The following EIF2AK3 variants were observed in gnomAD, a reference collection of about 807,000 sequenced individuals.
EIF2AK3 encodes the protein eukaryotic translation initiation factor 2-alpha kinase 3.
Under a neutral mutation model 113.5 loss-of-function variants are expected in EIF2AK3, and 50 were observed. The observed-to-expected ratio is 0.44, with a 90% CI of 0.35 to 0.56. The LOEUF is 0.56. Ranked by LOEUF, EIF2AK3 falls within the 20% of genes least tolerant of loss-of-function variation. The probability of loss-of-function intolerance (pLI) is 0.00; values close to 1 mark genes in which losing one functional copy is unlikely to be tolerated. For synonymous variants in EIF2AK3, 448 were observed against 495.4 expected, an observed-to-expected ratio of 0.90 and a Z score of 1.27; for missense variants, 1,185 against 1,378.0, an observed-to-expected ratio of 0.86 and a Z score of 2.22.
intron 2 of EIF2AK3, among the ~76,000 whole-genome samples, chr2:88,607,372 C>T (rs1353151728): frequency 6.6e-6 from 1 of 152,198 alleles, no homozygotes; most frequent in African/African-American, 2.4e-5. Context: ...CTACTATTAA[C>T]TGGCAAAAAT....
chr2:88,579,718 A>G, intron 10 of EIF2AK3, 78 bp from the exon 11 acceptor site: 1 of 1,349,810 alleles, frequency 7.4e-7, no homozygotes, highest in East Asian at 2.4e-5. Flanking sequence ...GTTCAATCTT[A>G]TGACACATAA....
Position 88,627,285 on chromosome 2 carries a change from C to A in EIF2AK3, c.-11G>T. 6.7e-7 allele frequency: 1 copy of A among 1,484,632 alleles called. No homozygotes were observed. Among genetic ancestry groups the A allele is most frequent in the Admixed American group, 2.2e-5 (1 of 45,108 alleles). The allele number at this position is 1,484,632 out of a possible 1,614,324, so 92.0% of individuals were successfully genotyped here. A position where few individuals can be genotyped will look rare whatever the true frequency, so the allele number is the denominator to read the frequency against. On this transcript the variant is annotated 5_prime_UTR_variant, in exon 1 of 17. Coordinates refer to ENST00000303236, the MANE Select transcript of EIF2AK3 (RefSeq NM_004836.7). ...GATGGCGCGCTCCATCAGCGTCCCG[C>A]CCCGCGCGCAGGCATGGAGGCGCAG...
intron 2 of EIF2AK3, among the ~76,000 whole-genome samples, chr2:88,611,297 A>G (rs895329301): frequency 2.0e-5 from 3 of 152,178 alleles, no homozygotes; most frequent in African/African-American, 7.2e-5. Context: ...AAATGGGACC[A>G]ACTTATCAAC....
Position 88,575,042 on chromosome 2 carries a change from T to C in EIF2AK3, c.2441A>G (p.Asp814Gly), listed in dbSNP as rs1232810293. ...CGGCTCTTCTTTACTGGAAGCATTA[T>C]CACAGCCAGAATCTTCAAATACTAT... ...SSIVFEDSGC[D>G]NASSKEEPKT... is the part of the protein sequence containing the mutation. The change falls in exon 13 of 17, where the codon GAT becomes GGT. Residue 814 changes from aspartate to glycine, a missense_variant. Physicochemically the swap from Asp to Gly is moderately conservative, Grantham distance 94 (BLOSUM62 -1). Transcript: ENST00000303236. 6.2e-7 allele frequency: 1 copy of C among 1,614,128 alleles called. No individual in the cohort carries two copies. The highest frequency in any genetic ancestry group is 8.5e-7 in the Non-Finnish European group (1 of 1,180,058).
chr2:88,593,536 A>T, intron 3 of EIF2AK3, 131 bp from the exon 4 acceptor site: 1 of 1,068,014 alleles, frequency 9.4e-7, no homozygotes, highest in East Asian at 2.6e-5. Flanking sequence ...TACTCAAGTC[A>T]TAAGAAGCAT....
chr2:88,611,789 C>G (rs961495671), intron 2 of EIF2AK3, among the ~76,000 whole-genome samples: 1 of 152,124 alleles, frequency 6.6e-6, no homozygotes, highest in African/African-American at 2.4e-5. Flanking sequence ...TGCCACCACA[C>G]CTTGCTAATT....
At position 88,557,884 on chromosome 2, in the gene EIF2AK3, G is replaced by T; in HGVS notation, c.3203C>A (p.Ala1068Asp). The T allele has an allele frequency of 1.2e-6, 2 of 1,614,150 alleles. No homozygotes were observed. The highest frequency in any genetic ancestry group is 4.5e-5 in the East Asian group (2 of 44,884). The change falls in exon 17 of 17, where the codon GCT becomes GAT. Residue 1068 changes from alanine to aspartate, a missense_variant. Ala to Asp is a moderately radical substitution (Grantham distance 126). This residue lies in a region of EIF2AK3 where 877 missense variants were observed against 1,024.2 expected (regional missense o/e 0.86). Transcript: ENST00000303236. ...LSPSPMERPE[A>D]INIIENAVFE... ...TACAGCATTTTCAATGATGTTTATA[G>T]CTTCAGGTCGTTCCATGGGGGATGG...
intron 2 of EIF2AK3, among the ~76,000 whole-genome samples, chr2:88,606,080 G>T (rs976185048): frequency 2.6e-5 from 4 of 152,118 alleles, no homozygotes; most frequent in African/African-American, 9.7e-5. Flanking sequence ...GTACTCAAGA[G>T]CAGAGAAATA....
rs1298503837 is a variant in EIF2AK3, at chr2:88,585,910, T to G, written c.1581A>C (p.Ala527=). ...LLLHWWKEIV[A]TILFCIIATT... Reference sequence around the variant, plus strand: ...TTGCTATGATACAAAACAAAATCGTTGCAACTATTTCTTTCCACCAGTGTA... The same window carrying G: ...TTGCTATGATACAAAACAAAATCGTGGCAACTATTTCTTTCCACCAGTGTA... Residue 527 remains alanine, a synonymous_variant, in exon 9 of 17, where the codon GCA becomes GCC. Transcript: ENST00000303236. 1.2e-6 allele frequency: 2 copies of G among 1,614,002 alleles called. No individual in the cohort carries two copies. The highest frequency in any genetic ancestry group is 4.5e-5 in the East Asian group (2 of 44,882).
At chr2:88,606,876 T>G (rs1446432925) in intron 2 of EIF2AK3, among the ~76,000 whole-genome samples, 1 of 152,166 alleles carries the variant, frequency 6.6e-6, no homozygotes, top group Non-Finnish European at 1.5e-5. Context: ...CGGTGTCCCT[T>G]GGGGAGAAAC....
In EIF2AK3 at chr2:88,626,854, C is replaced by T. The variant is rs1363790546; in HGVS notation, c.308+113G>A. The T allele has an allele frequency of 4.3e-6, 6 of 1,405,540 alleles. No individual in the cohort carries two copies. The Admixed American group carries it at 8.1e-5, about 19-fold the overall frequency. 87.1% of individuals were successfully genotyped at this position (1,405,540 alleles called of 1,614,324 possible). A position where few individuals can be genotyped will look rare whatever the true frequency, so the allele number is the denominator to read the frequency against. On this transcript the variant is annotated intron_variant, in intron 1 of 16. Transcript: ENST00000303236. Reference sequence around the variant, plus strand: ...CGTCCCCAGGTCGCCAGCTGCCCTCCGCAGCCGAGGGAAGACGCCCGCCCG... The same window carrying T: ...CGTCCCCAGGTCGCCAGCTGCCCTCTGCAGCCGAGGGAAGACGCCCGCCCG...
At position 88,588,921 on chromosome 2, in the gene EIF2AK3, GT is replaced by G. The variant is rs1558654262; in HGVS notation, c.1166-21del. ...ACATTCCTGAATCAACCAGAACATT[GT>G]CAATTATGCATTGATTTTTTTAAAA... On this transcript the variant is annotated intron_variant, in intron 6 of 16. Coordinates refer to ENST00000303236, the MANE Select transcript of EIF2AK3 (RefSeq NM_004836.7). 4 of 1,611,968 alleles carry G rather than the reference GT, an allele frequency of 2.5e-6. No homozygotes were observed. Among genetic ancestry groups the G allele is most frequent in the Non-Finnish European group, 2.5e-6 (3 of 1,179,212 alleles).
At chr2:88,574,104 A>G (rs1674387689) in intron 13 of EIF2AK3, among the ~76,000 whole-genome samples, 1 of 152,230 alleles carries the variant, frequency 6.6e-6, no homozygotes, top group Non-Finnish European at 1.5e-5. Context: ...TCATCTGTTA[A>G]CTATTTGCTA....
At chr2:88,599,911 GACCA>G (rs1387630086) in intron 2 of EIF2AK3, among the ~76,000 whole-genome samples, 11 of 152,202 alleles carry the variant, frequency 7.2e-5, no homozygotes, top group Non-Finnish European at 1.3e-4. Flanking sequence ...CCAACAGACT[GACCA>G]ACCAACCTTA....
At chr2:88,597,266 T>A (rs909035460) in intron 2 of EIF2AK3, among the ~76,000 whole-genome samples, 2 of 152,208 alleles carry the variant, frequency 1.3e-5, no homozygotes, top group African/African-American at 4.8e-5. Flanking sequence ...CCTTATTATT[T>A]TCCAGTTCAA....
In EIF2AK3 at chr2:88,590,963, T is replaced by C. The variant is rs150474217; in HGVS notation, c.857A>G (p.Asn286Ser). The C allele has an allele frequency of 3.5e-5, 56 of 1,614,010 alleles. No individual in the cohort carries two copies. Among genetic ancestry groups the C allele is most frequent in the African/African-American group, 8.0e-5 (6 of 74,940 alleles). Residue 286 changes from asparagine (N) to serine (S), a missense_variant, in exon 5 of 17, where the codon AAT (asparagine) becomes AGT (serine). Asn to Ser is a conservative substitution (Grantham distance 46). Around this residue, in one of 3 missense-constraint regions of EIF2AK3, gnomAD observed 877 missense variants for 1,024.2 expected, o/e 0.86. Coordinates refer to ENST00000303236, the MANE Select transcript of EIF2AK3 (RefSeq NM_004836.7). The part of the protein sequence containing the change: ...AGFIESTFKP[N>S]ENTEESKIIS... Reference sequence around the variant, plus strand: ...AATTTTAGACTCTTCTGTGTTCTCATTGGGCTTAAAGGTGCTTTCAATAAA... The same window carrying C: ...AATTTTAGACTCTTCTGTGTTCTCACTGGGCTTAAAGGTGCTTTCAATAAA...
Position 88,609,945 on chromosome 2 carries a change from CA to C in EIF2AK3, c.438+3778del, listed in dbSNP as rs71378880. On this transcript the variant is annotated intron_variant, in intron 2 of 16. Transcript: ENST00000303236. ...GCAAAATAAGAAAACTCCATCTCTA[CA>C]AAAAAAAAAAAAAAAAAAAAAAAAA... Among the ~76,000 whole-genome samples the C allele has an allele frequency of 4.5e-3, 174 of 38,818 alleles. 1 individual carries two copies. The highest frequency in any genetic ancestry group is 0.011 in the East Asian group (12 of 1,126). 25.5% of individuals were successfully genotyped at this position (38,818 alleles called of 152,430 possible).
rs1345875889 is a variant in EIF2AK3, at chr2:88,562,226, CTT to C, written c.3087+61_3087+62del. The C allele has an allele frequency of 5.8e-6, 8 of 1,384,760 alleles. No homozygotes were observed. In the East Asian group the frequency reaches 6.9e-5, roughly 12 times the overall value. 85.8% of individuals were successfully genotyped at this position (1,384,760 alleles called of 1,614,324 possible). On this transcript the variant is annotated intron_variant, in intron 15 of 16. Transcript: ENST00000303236. ...AGAAGAACTAAGTCTTTAAAAAACT[CTT>C]TTGTAAATGTTAGATTATTTTCTGT...
At chr2:88,562,524 A>G (rs752281601) in intron 14 of EIF2AK3, 134 bp from the exon 15 acceptor site, 99 of 737,268 alleles carry the variant, frequency 1.3e-4, no homozygotes, top group Non-Finnish European at 1.9e-4. Context: ...AAATGTTAGC[A>G]AAGAGTTAAT....
Sources: gnomAD v4.1 joint callset for allele counts (sites outside exome capture counted in the v4.1 genomes callset) on GRCh38, gnomAD v4.1.1 for gene constraint, gnomAD v4.1.1 regional missense constraint, MANE v1.5 for transcripts, NCBI Gene and HGNC (gene_info 2026-07-23, HGNC 2026-07-21) for gene names.